POPDC3: variants seen among roughly 807,000 people sequenced by gnomAD.
POPDC3 encodes the protein popeye domain cAMP effector 3, also known as popeye domain-containing protein 3.
POPDC3 carries 20 observed loss-of-function variants against 28.2 expected under a neutral mutation model. That is an observed-to-expected ratio of 0.71 (90% CI 0.50 to 1.03). The LOEUF is 1.03. POPDC3 is among the 50% of genes least tolerant of loss of function. The probability of loss-of-function intolerance (pLI) is 0.00; values close to 1 mark genes in which losing one functional copy is unlikely to be tolerated. For synonymous variants in POPDC3, 118 were observed against 124.1 expected, an observed-to-expected ratio of 0.95 and a Z score of 0.33; for missense variants, 316 against 345.9, an observed-to-expected ratio of 0.91 and a Z score of 0.69.
At chr6:105,159,690 G>C (rs1446956620) in intron 3 of POPDC3, 21 bp downstream of exon 3, 15 of 1,334,250 alleles carry the variant, frequency 1.1e-5, no homozygotes, top group Non-Finnish European at 1.5e-5. Context: ...AGTGCTAACT[G>C]TGTGTTCTGG....
rs1489244431 is a variant in POPDC3 at position 105,158,057 on chromosome 6, T to C, written c.*413A>G. 6.6e-6 allele frequency among the ~76,000 whole-genome samples: 1 copy of C among 152,174 alleles called. No individual in the cohort carries two copies. The highest frequency in any genetic ancestry group is 1.9e-4 in the East Asian group (1 of 5,190). ...TGGAGGTTGTAGCAAAAAAGTGAAT[T>C]CCGGAAATGCCTATGTGGACAGTAG... is the stretch of plus-strand genomic sequence containing the variant. On this transcript the variant is annotated 3_prime_UTR_variant, in exon 4 of 4. Transcript: ENST00000254765.
Position 105,158,718 on chromosome 6 carries a change from C to T in POPDC3, c.628G>A (p.Val210Met). ...TATAATTTCTTTCTCCTCCAAGACA[C>T]ATATCGACAATCAGTTTCTGCAGTG... Reference protein sequence around the residue: ...TLTAETDCRYVSWRRKKLYLL... With the variant: ...TLTAETDCRYMSWRRKKLYLL... The change falls in exon 4 of 4, where the codon GTG becomes ATG. Residue 210 changes from valine (V) to methionine (M), a missense_variant. By Grantham distance (21) the Val-to-Met change is conservative. Coordinates refer to ENST00000254765, the MANE Select transcript of POPDC3 (RefSeq NM_022361.5). 6.2e-7 allele frequency: 1 copy of T among 1,613,456 alleles called. No homozygotes were observed. Among genetic ancestry groups the T allele is most frequent in the East Asian group, 2.2e-5 (1 of 44,878 alleles).
At chr6:105,170,148 T>G (rs574122980) in intron 1 of POPDC3, among the ~76,000 whole-genome samples, 1 of 152,286 alleles carries the variant, frequency 6.6e-6, no homozygotes, top group Admixed American at 6.5e-5. Context: ...TAGATGGTTT[T>G]AAATAATTGA....
intron 1 of POPDC3, among the ~76,000 whole-genome samples, chr6:105,176,592 T>C (rs1774686918): frequency 6.6e-6 from 1 of 152,166 alleles, no homozygotes; most frequent in African/African-American, 2.4e-5. Flanking sequence ...AGTCTTGCTC[T>C]GTCACCCAGG....
intron 1 of POPDC3, among the ~76,000 whole-genome samples, chr6:105,177,470 T>C (rs563021702): frequency 1.3e-5 from 2 of 152,220 alleles, no homozygotes. Flanking sequence ...ACACAGAATT[T>C]TGAAATTAAA....
In POPDC3 at chr6:105,178,830, GA is replaced by G. The variant is rs918135690; in HGVS notation, c.-252+1002del. On this transcript the variant is annotated intron_variant, in intron 1 of 3. Transcript: ENST00000254765. ...AGTCCGTAGAATTAAAAACAAGAAG[GA>G]AAAAAAATAGCCACTAAACTTAGTA... 9.1e-6 allele frequency: 9 copies of G among 984,350 alleles called. No homozygotes were observed. In the African/African-American group the frequency reaches 1.1e-4, roughly 12 times the overall value. The allele number at this position is 984,350 out of a possible 1,614,324, so 61.0% of individuals were successfully genotyped here. A position where few individuals can be genotyped will look rare whatever the true frequency, so the allele number is the denominator to read the frequency against.
At chr6:105,161,350 A>T in intron 2 of POPDC3, 75 bp downstream of exon 2, 1 of 1,519,392 alleles carries the variant, frequency 6.6e-7, no homozygotes, top group African/African-American at 1.4e-5. Flanking sequence ...TGATACTGAG[A>T]TGGAAAAATA....
chr6:105,176,155 A>C (rs1486516586), intron 1 of POPDC3, among the ~76,000 whole-genome samples: 1 of 152,220 alleles, frequency 6.6e-6, no homozygotes, highest in East Asian at 1.9e-4. Flanking sequence ...CATCCTGTTA[A>C]AAGAAAAACT....
chr6:105,162,085 A>G lies in POPDC3; in HGVS notation c.-176T>C. 1 of 1,346,402 alleles carries G rather than the reference A, an allele frequency of 7.4e-7. No homozygotes were observed. The highest frequency in any genetic ancestry group is 9.5e-7 in the Non-Finnish European group (1 of 1,055,156). The allele number at this position is 1,346,402 out of a possible 1,614,324, so 83.4% of individuals were successfully genotyped here. A position where few individuals can be genotyped will look rare whatever the true frequency, so the allele number is the denominator to read the frequency against. On this transcript the variant is annotated 5_prime_UTR_variant, in exon 2 of 4. It removes the in-frame stop codon of an upstream open reading frame in the 5' UTR. Coordinates refer to ENST00000254765, the MANE Select transcript of POPDC3 (RefSeq NM_022361.5). ...TCGTGTGTACGGATCTTGAAAAACT[A>G]AGAATCCCATGCTCGCTTCTTTAAG...
In POPDC3 at chr6:105,163,129, CTA is replaced by C. The variant is rs567583816; in HGVS notation, c.-251-971_-251-970del. On this transcript the variant is annotated intron_variant, in intron 1 of 3. Transcript: ENST00000254765. Reference sequence around the variant, plus strand: ...GTCACATTCTAAGAGCATTAATTGACTATGGAAATATTTAATAAATTAGATTG... The same window carrying C: ...GTCACATTCTAAGAGCATTAATTGACTGGAAATATTTAATAAATTAGATTG... Among the ~76,000 whole-genome samples, 13 of 152,224 alleles carry C rather than the reference CTA, an allele frequency of 8.5e-5. No individual in the cohort carries two copies. The South Asian group carries it at 2.7e-3, about 32-fold the overall frequency.
chr6:105,163,928 GAC>G (rs1226933253), intron 1 of POPDC3, among the ~76,000 whole-genome samples: 1 of 152,084 alleles, frequency 6.6e-6, no homozygotes, highest in Admixed American at 6.6e-5. Context: ...TGAAATTGAA[GAC>G]AGGCCAGCAT....
chr6:105,164,808 G>C (rs1161906218), intron 1 of POPDC3, among the ~76,000 whole-genome samples: 5 of 152,172 alleles, frequency 3.3e-5, no homozygotes, highest in African/African-American at 1.2e-4. Flanking sequence ...AAATGATGAA[G>C]ACAAACTTAA....
At chr6:105,162,319 G>A (rs745811958) in intron 1 of POPDC3, among the ~76,000 whole-genome samples, 159 bp from the exon 2 acceptor site, 35 of 152,148 alleles carry the variant, frequency 2.3e-4, no homozygotes, top group Non-Finnish European at 4.4e-4. Flanking sequence ...AAATTTCTAT[G>A]GTATAAAAAG....
chr6:105,178,372 G>A (rs973085439), intron 1 of POPDC3, among the ~76,000 whole-genome samples: 2 of 152,306 alleles, frequency 1.3e-5, no homozygotes, highest in South Asian at 2.1e-4. Flanking sequence ...TGTTTCCCAT[G>A]ACACATTTTT....
intron 3 of POPDC3, 33 bp downstream of exon 3, chr6:105,159,678 G>A (rs1328009766): frequency 2.7e-6 from 3 of 1,115,582 alleles, no homozygotes; most frequent in Non-Finnish European, 2.7e-6. Context: ...TTTGAAAGAG[G>A]GAGTGCTAAC....
intron 3 of POPDC3, 118 bp from the exon 4 acceptor site, chr6:105,158,869 GC>G: frequency 1.2e-6 from 1 of 865,102 alleles, no homozygotes; most frequent in Non-Finnish European, 1.8e-6. Context: ...GGTTGAAAAA[GC>G]CCACTGACCT....
At chr6:105,169,850 G>A (rs1436101052) in intron 1 of POPDC3, 1 of 152,170 alleles carries the variant, frequency 6.6e-6, no homozygotes, top group Non-Finnish European at 1.5e-5. Context: ...TTCACTCCCA[G>A]GCAGGCAGAT....
chr6:105,168,836 T>C (rs1774515071), intron 1 of POPDC3: 1 of 151,792 alleles, frequency 6.6e-6, no homozygotes, highest in Non-Finnish European at 1.5e-5. Flanking sequence ...GCCTGTGGGG[T>C]TTCCAAGGAA....
chr6:105,162,488 T>C (rs537805985), intron 1 of POPDC3, among the ~76,000 whole-genome samples: 2 of 152,228 alleles, frequency 1.3e-5, no homozygotes, highest in South Asian at 2.1e-4. Context: ...TCCCAGCCCT[T>C]TGGGAGGCTG....
Sources: allele counts gnomAD v4.1 joint callset (sites outside exome capture counted in the v4.1 genomes callset), GRCh38; gene constraint gnomAD v4.1.1; transcripts MANE v1.5; gene names NCBI Gene and HGNC (gene_info 2026-07-23, HGNC 2026-07-21).